The following FGF14 variants were observed in gnomAD, a reference collection of about 807,000 sequenced individuals.
FGF14 encodes fibroblast growth factor homologous factor 4.
A neutral mutation model predicts 25.5 loss-of-function variants in FGF14; 5 were observed. The observed-to-expected ratio is 0.20, with a 90% CI of 0.10 to 0.41. The LOEUF (loss-of-function observed/expected upper bound fraction) is 0.41. FGF14 is among the 10% of genes least tolerant of loss of function. FGF14 has a pLI of 1.00. For synonymous variants in FGF14, 138 were observed against 118.3 expected (o/e 1.17, Z -1.08); for missense variants, 222 against 320.1 (o/e 0.69, Z 2.34).
chr13:101,913,846 A>G (rs764887938), intron 1 of FGF14, among the ~76,000 whole-genome samples: 7 of 151,052 alleles, frequency 4.6e-5, no homozygotes, highest in Non-Finnish European at 7.4e-5. Flanking sequence ...AGCTCTCTTC[A>G]TGCTTTATAG....
At chr13:102,174,537 C>T (rs1356574158) in intron 1 of FGF14, among the ~76,000 whole-genome samples, 1 of 151,842 alleles carries the variant, frequency 6.6e-6, no homozygotes, top group African/African-American at 2.4e-5. Context: ...TTTACAATAG[C>T]CACACACAAA....
Position 101,916,655 on chromosome 13 carries a change from G to C in FGF14, c.-10C>G. 1.3e-6 allele frequency: 2 copies of C among 1,539,644 alleles called. No individual in the cohort carries two copies. The highest frequency in any genetic ancestry group is 1.8e-6 in the Non-Finnish European group (2 of 1,140,460). ...CGATGGCCGCGGCCATGGTGGCCCC[G>C]GGAACGGGTCCGGGGAGGGAGGGCG... On this transcript the variant is annotated 5_prime_UTR_variant, in exon 1 of 5. Transcript: ENST00000376143.
At chr13:101,887,051 G>A (rs186567220) in intron 1 of FGF14, among the ~76,000 whole-genome samples, 12 of 152,142 alleles carry the variant, frequency 7.9e-5, no homozygotes, top group East Asian at 1.9e-4. Context: ...AACATATGCC[G>A]GGGAGGATGC....
At chr13:102,060,950 C>A (rs2042660000) in intron 1 of FGF14, among the ~76,000 whole-genome samples, 2 of 152,196 alleles carry the variant, frequency 1.3e-5, no homozygotes, top group Admixed American at 1.3e-4. Context: ...AACACACCAA[C>A]AGAGGCCAGC....
At chr13:102,148,958 A>G (rs758229903) in intron 1 of FGF14, among the ~76,000 whole-genome samples, 1 of 152,188 alleles carries the variant, frequency 6.6e-6, no homozygotes, top group Non-Finnish European at 1.5e-5. Context: ...AGTGCCGCAC[A>G]TGTATACACA....
intron 1 of FGF14, among the ~76,000 whole-genome samples, chr13:102,189,949 G>A (rs2049057144): frequency 1.3e-5 from 2 of 152,058 alleles, no homozygotes; most frequent in South Asian, 4.1e-4. Context: ...ATGGTACCAA[G>A]CCATTCATGA....
chr13:101,840,991 G>A (rs892042293), intron 3 of FGF14, among the ~76,000 whole-genome samples: 1 of 151,806 alleles, frequency 6.6e-6, no homozygotes, highest in Non-Finnish European at 1.5e-5. Flanking sequence ...CTCAAGTGTG[G>A]AGCTTAAGTG....
At chr13:101,901,989 A>G (rs1435093758) in intron 1 of FGF14, among the ~76,000 whole-genome samples, 3 of 152,188 alleles carry the variant, frequency 2.0e-5, no homozygotes, top group African/African-American at 7.2e-5. Flanking sequence ...TACCATCACC[A>G]CATCAAAGTT....
intron 1 of FGF14, among the ~76,000 whole-genome samples, chr13:101,936,255 C>T (rs1358281775): frequency 6.6e-6 from 1 of 152,158 alleles, no homozygotes; most frequent in Non-Finnish European, 1.5e-5. Context: ...GGGTTGTGGG[C>T]ACTTACGTGG....
At chr13:102,124,014 A>G (rs1311381547) in intron 1 of FGF14, among the ~76,000 whole-genome samples, 4 of 152,122 alleles carry the variant, frequency 2.6e-5, no homozygotes, top group African/African-American at 9.7e-5. Context: ...CTCCAGCCTT[A>G]CTCTCCAACA....
chr13:102,036,263 A>C (rs542674829), intron 1 of FGF14, among the ~76,000 whole-genome samples: 1 of 152,152 alleles, frequency 6.6e-6, no homozygotes, highest in African/African-American at 2.4e-5. Context: ...GTGGGAAACA[A>C]TATGTAAGGT....
At chr13:101,871,546 T>C (rs564354138) in intron 2 of FGF14, among the ~76,000 whole-genome samples, 5 of 152,188 alleles carry the variant, frequency 3.3e-5, no homozygotes, top group African/African-American at 9.6e-5. Flanking sequence ...TGAGAGGGAC[T>C]TTTGAGGTTT....
At chr13:101,980,015 T>C (rs1241082390) in intron 1 of FGF14, among the ~76,000 whole-genome samples, 2 of 152,196 alleles carry the variant, frequency 1.3e-5, no homozygotes, top group African/African-American at 4.8e-5. Context: ...ACCAATACCA[T>C]TTTTAAGCAC....
intron 3 of FGF14, among the ~76,000 whole-genome samples, chr13:101,813,481 C>T (rs1471693024): frequency 1.3e-5 from 2 of 151,364 alleles, no homozygotes; most frequent in African/African-American, 2.5e-5. Flanking sequence ...GATGATGCAG[C>T]AAGAAGCCTT....
intron 1 of FGF14, among the ~76,000 whole-genome samples, chr13:102,146,585 A>G (rs1306562753): frequency 6.6e-6 from 1 of 152,186 alleles, no homozygotes; most frequent in East Asian, 1.9e-4. Context: ...GGGAAAATGG[A>G]AGCCCAATGA....
At chr13:101,960,360 A>G (rs562633072) in intron 1 of FGF14, among the ~76,000 whole-genome samples, 2 of 152,218 alleles carry the variant, frequency 1.3e-5, no homozygotes, top group East Asian at 1.9e-4. Flanking sequence ...CTCCCCCAGC[A>G]TACTCCACCT....
intron 1 of FGF14, among the ~76,000 whole-genome samples, chr13:102,068,166 C>T (rs931856995): frequency 1.3e-5 from 2 of 152,218 alleles, no homozygotes; most frequent in African/African-American, 4.8e-5. Context: ...AAAGGTAGTT[C>T]TTCAATCCAA....
At chr13:102,075,165 C>T (rs1315232670) in intron 1 of FGF14, among the ~76,000 whole-genome samples, 1 of 152,134 alleles carries the variant, frequency 6.6e-6, no homozygotes, top group Non-Finnish European at 1.5e-5. Flanking sequence ...CATTCTTAAA[C>T]ATTAAAAACT....
intron 3 of FGF14, among the ~76,000 whole-genome samples, chr13:101,846,014 G>C (rs2043439386): frequency 6.6e-6 from 1 of 151,952 alleles, no homozygotes; most frequent in Admixed American, 6.6e-5. Flanking sequence ...TCAAAGTCCA[G>C]TGGACAGTTA....
Sources: allele counts gnomAD v4.1 joint callset (sites outside exome capture counted in the v4.1 genomes callset), GRCh38; gene constraint gnomAD v4.1.1; transcripts MANE v1.5; gene names NCBI Gene and HGNC (gene_info 2026-07-23, HGNC 2026-07-21).